Variants in ZFPM2 observed in about 807,000 individuals in gnomAD.
The protein encoded by ZFPM2 is zinc finger protein, FOG family member 2, also known as zinc finger protein ZFPM2.
A neutral mutation model predicts 98.6 loss-of-function variants in ZFPM2; 20 were observed. That is an observed-to-expected ratio of 0.20 (90% CI 0.14 to 0.29). ZFPM2 has a LOEUF of 0.29. ZFPM2 is among the 10% of genes least tolerant of loss of function. The pLI is 1.00. For synonymous variants in ZFPM2, 518 were observed against 502.7 expected (o/e 1.03, Z -0.41); for missense variants, 1,310 against 1,388.6 (o/e 0.94, Z 0.90).
chr8:105,757,438 T>G (rs996723231), intron 5 of ZFPM2, among the ~76,000 whole-genome samples: 6 of 152,198 alleles, frequency 3.9e-5, no homozygotes, highest in Non-Finnish European at 7.3e-5. Context: ...TTAAAGGGAA[T>G]GTTTAAGCAG....
intron 5 of ZFPM2, among the ~76,000 whole-genome samples, chr8:105,682,415 T>C (rs2130923235): frequency 6.6e-6 from 1 of 152,304 alleles, no homozygotes; most frequent in African/African-American, 2.4e-5. Context: ...CTAGTATTGC[T>C]GGAGCATTTG....
Position 105,798,761 on chromosome 8 carries a change from T to C in ZFPM2, c.777T>C (p.Tyr259=). 1 of 1,613,906 alleles carries C rather than the reference T, an allele frequency of 6.2e-7. No individual in the cohort carries two copies. The highest frequency in any genetic ancestry group is 8.5e-7 in the Non-Finnish European group (1 of 1,179,848). Residue 259 remains tyrosine, a synonymous_variant, in exon 7 of 8, where the codon TAT becomes TAC. Coordinates refer to ENST00000407775, the MANE Select transcript of ZFPM2 (RefSeq NM_012082.4). The stretch of plus-strand genomic sequence containing the variant: ...CTTGCAAGTCCTGTGGCATCTGGTA[T>C]CGGAGTGAGCGGAATCTGCAGGCCC... ...IFPCKSCGIW[Y]RSERNLQAHL...
intron 1 of ZFPM2, among the ~76,000 whole-genome samples, chr8:105,377,952 G>T (rs1810764453): frequency 6.6e-6 from 1 of 152,166 alleles, no homozygotes; most frequent in Non-Finnish European, 1.5e-5. Context: ...TTGGATGAGT[G>T]TGTAAAAAGT....
intron 2 of ZFPM2, among the ~76,000 whole-genome samples, chr8:105,427,328 A>G (rs1430040288): frequency 1.3e-5 from 2 of 152,126 alleles, no homozygotes; most frequent in Non-Finnish European, 2.9e-5. Flanking sequence ...ATTTTATACA[A>G]TGTTTGAAAT....
chr8:105,538,079 G>T (rs541284980), intron 3 of ZFPM2, among the ~76,000 whole-genome samples: 37 of 152,130 alleles, frequency 2.4e-4, no homozygotes, highest in African/African-American at 8.2e-4. Flanking sequence ...AAACAGTAGA[G>T]GTACATTATA....
intron 1 of ZFPM2, among the ~76,000 whole-genome samples, chr8:105,394,541 G>A (rs1162293558): frequency 1.3e-5 from 2 of 152,168 alleles, no homozygotes. Context: ...CATATTCTGG[G>A]AGAGCTGAGT....
chr8:105,357,078 CTTCTG>C (rs1812762182), intron 1 of ZFPM2, among the ~76,000 whole-genome samples: 2 of 143,818 alleles, frequency 1.4e-5, no homozygotes, highest in Non-Finnish European at 3.1e-5. Context: ...AAGCCCCTGG[CTTCTG>C]TTCCGGTGAA....
intron 5 of ZFPM2, among the ~76,000 whole-genome samples, chr8:105,718,556 G>A (rs1419863377): frequency 2.6e-5 from 4 of 151,946 alleles, no homozygotes; most frequent in Non-Finnish European, 5.9e-5. Context: ...GTTTTTGCAA[G>A]TTTAAGACAC....
intron 3 of ZFPM2, among the ~76,000 whole-genome samples, chr8:105,492,941 G>T (rs762008494): frequency 6.6e-6 from 1 of 152,092 alleles, no homozygotes; most frequent in Non-Finnish European, 1.5e-5. Context: ...ATGCTCAATG[G>T]ATTTGCTTCC....
intron 4 of ZFPM2, among the ~76,000 whole-genome samples, chr8:105,596,460 T>C (rs1815971391): frequency 6.6e-6 from 1 of 152,040 alleles, no homozygotes; most frequent in Non-Finnish European, 1.5e-5. Context: ...TGCAAATAGA[T>C]TGGCACTCTC....
In ZFPM2 at chr8:105,802,289, G is replaced by T; in HGVS notation, c.2207G>T (p.Arg736Leu). ...GCCATGCAGAGAACCATGCGCACAC[G>T]CAAGCGCAGAAAGATGTATGAGATG... Reference protein sequence around the residue: ...VPAMQRTMRTRKRRKMYEMCL... With the variant: ...VPAMQRTMRTLKRRKMYEMCL... The change falls in exon 8 of 8, where the codon CGC (arginine) becomes CTC (leucine). Residue 736 changes from arginine to leucine, a missense_variant. Arg to Leu is a moderately radical substitution (Grantham distance 102). Transcript: ENST00000407775. 1 of 1,613,752 alleles carries T rather than the reference G, an allele frequency of 6.2e-7. No individual in the cohort carries two copies. The highest frequency in any genetic ancestry group is 8.5e-7 in the Non-Finnish European group (1 of 1,179,792).
chr8:105,511,332 A>G (rs899910651), intron 3 of ZFPM2, among the ~76,000 whole-genome samples: 1 of 152,216 alleles, frequency 6.6e-6, no homozygotes, highest in Non-Finnish European at 1.5e-5. Context: ...TAAATAACCG[A>G]TGATGTATAA....
chr8:105,363,015 C>T (rs1311058692), intron 1 of ZFPM2, among the ~76,000 whole-genome samples: 1 of 152,158 alleles, frequency 6.6e-6, no homozygotes, highest in African/African-American at 2.4e-5. Context: ...TTCCTTTTCA[C>T]TTGGTTAACT....
intron 5 of ZFPM2, among the ~76,000 whole-genome samples, chr8:105,788,159 A>T (rs112124787): frequency 0.015 from 2,252 of 152,330 alleles, 37 homozygotes; most frequent in Non-Finnish European, 0.02. Flanking sequence ...GGTAGCAGAC[A>T]TAGCAGAGTA....
In ZFPM2 at chr8:105,802,153, G is replaced by A. The variant is rs751798255; in HGVS notation, c.2071G>A (p.Ala691Thr). ...ESDPNKTTCE[A>T]CNITFSRHET... ...TGACCCAAATAAGACTACCTGTGAA[G>A]CTTGCAACATTACCTTCAGCCGGCA... The change falls in exon 8 of 8, where the codon GCT becomes ACT. Residue 691 changes from alanine (A) to threonine (T), a missense_variant. Physicochemically the swap from Ala to Thr is moderately conservative, Grantham distance 58. Transcript: ENST00000407775. 1 of 1,613,938 alleles carries A rather than the reference G, an allele frequency of 6.2e-7. No individual in the cohort carries two copies. The highest frequency in any genetic ancestry group is 8.5e-7 in the Non-Finnish European group (1 of 1,179,876).
chr8:105,683,826 C>A (rs1810668854), intron 5 of ZFPM2, among the ~76,000 whole-genome samples: 1 of 152,118 alleles, frequency 6.6e-6, no homozygotes, highest in Admixed American at 6.6e-5. Context: ...TTGTTAAATT[C>A]TACCCAATTC....
intron 4 of ZFPM2, among the ~76,000 whole-genome samples, chr8:105,631,529 A>G (rs1816755578): frequency 6.6e-6 from 1 of 152,152 alleles, no homozygotes; most frequent in Admixed American, 6.6e-5. Flanking sequence ...TTTATCCTTT[A>G]AAATCCTGCC....
At chr8:105,671,332 A>G (rs1372617) in intron 5 of ZFPM2, among the ~76,000 whole-genome samples, 27,359 of 151,674 alleles carry the variant, frequency 0.18, 2,450 homozygotes, top group Middle Eastern at 0.26. Flanking sequence ...TCCATTTTAT[A>G]TTTAAATAAA....
At chr8:105,652,796 T>C (rs1379730002) in intron 5 of ZFPM2, among the ~76,000 whole-genome samples, 11 of 152,182 alleles carry the variant, frequency 7.2e-5, no homozygotes, top group African/African-American at 2.4e-4. Flanking sequence ...CAGTAATATA[T>C]TACATTTCTG....
Sources: gnomAD v4.1 joint callset for allele counts (sites outside exome capture counted in the v4.1 genomes callset) on GRCh38, gnomAD v4.1.1 for gene constraint, MANE v1.5 for transcripts, NCBI Gene and HGNC (gene_info 2026-07-23, HGNC 2026-07-21) for gene names.